The following LYRM4 variants were observed in gnomAD, a reference collection of about 807,000 sequenced individuals.
LYRM4 encodes the protein LYR motif-containing protein 4.
In LYRM4, 9 loss-of-function variants were observed where a neutral mutation model predicts 11.7. The ratio of observed to expected loss-of-function variants is 0.77; its 90% confidence interval spans 0.46 to 1.34. The LOEUF is 1.34. LYRM4 is among the 40% of genes most tolerant of loss of function. LYRM4 has a pLI of 0.00. For synonymous variants in LYRM4, 42 were observed against 40.4 expected (o/e 1.04, Z -0.15); for missense variants, 133 against 112.5 (o/e 1.18, Z -0.82).
the LYRM4 span, among the ~76,000 whole-genome samples, chr6:5,038,072 T>G: frequency 7.1e-5 from 3 of 41,992 alleles, no homozygotes; most frequent in African/African-American, 1.3e-4. Context: ...AGGCAGAGGG[T>G]TTCCTCACTT....
At chr6:5,192,531 A>G (rs1442795214) in intron 2 of LYRM4, among the ~76,000 whole-genome samples, 1 of 152,180 alleles carries the variant, frequency 6.6e-6, no homozygotes, top group Admixed American at 6.5e-5. Context: ...CTACCATAGC[A>G]TTGGGACAGT....
At chr6:5,067,442 A>G in the LYRM4 span, among the ~76,000 whole-genome samples, 1 of 152,256 alleles carries the variant, frequency 6.6e-6, no homozygotes, top group Non-Finnish European at 1.5e-5. Flanking sequence ...AGGTTAACTC[A>G]CATGGCTGGC....
rs138450981 is a variant in LYRM4, at chr6:5,252,547, C to T, written c.86+8101G>A. Among the ~76,000 whole-genome samples, 505 of 152,322 alleles carry T rather than the reference C, an allele frequency of 3.3e-3. 5 individuals carry two copies. Among genetic ancestry groups the T allele is most frequent in the African/African-American group, 0.011 (454 of 41,570 alleles). On this transcript the variant is annotated intron_variant, in intron 1 of 2. Transcript: ENST00000330636. ...GAATGCTCTTCCATCGCATGTCCACCTCTGTGGCTGACACAGACTGTTGCC... is the reference window on the plus strand; with the variant it reads ...GAATGCTCTTCCATCGCATGTCCACTTCTGTGGCTGACACAGACTGTTGCC...
chr6:5,238,797 T>C (rs1763696283), intron 1 of LYRM4, among the ~76,000 whole-genome samples: 1 of 152,242 alleles, frequency 6.6e-6, no homozygotes, highest in East Asian at 1.9e-4. Flanking sequence ...CTAGGATACC[T>C]GAATTTTATA....
Position 5,146,134 on chromosome 6 carries a change from C to T in LYRM4, c.208-36643G>A, listed in dbSNP as rs141752958. On this transcript the variant is annotated intron_variant, in intron 2 of 2. Coordinates refer to ENST00000330636, the MANE Select transcript of LYRM4 (RefSeq NM_020408.6). ...GGATTCAGACCTGCCTGCCTCAGCA[C>T]GGGCTGTGTCTCATCCACCACACAT... Among the ~76,000 whole-genome samples the T allele has an allele frequency of 5.3e-3, 811 of 152,326 alleles. 8 individuals carry two copies. Among genetic ancestry groups the T allele is most frequent in the African/African-American group, 0.019 (770 of 41,558 alleles).
chr6:5,066,570 T>C, the LYRM4 span: 1 of 959,764 alleles, frequency 1.0e-6, no homozygotes, highest in East Asian at 2.4e-5. Context: ...ATCCAGATTT[T>C]TTCCTAAGGA....
chr6:5,158,125 A>G (rs1437062150), intron 2 of LYRM4, among the ~76,000 whole-genome samples: 1 of 152,152 alleles, frequency 6.6e-6, no homozygotes, highest in Admixed American at 6.5e-5. Flanking sequence ...TATAATGTAT[A>G]TGTCTGTGCG....
chr6:5,209,303 G>A (rs1237908106), intron 2 of LYRM4, among the ~76,000 whole-genome samples: 1 of 152,028 alleles, frequency 6.6e-6, no homozygotes, highest in Non-Finnish European at 1.5e-5. Flanking sequence ...CACCATGTTC[G>A]CCAGGCTGAT....
chr6:5,217,185 T>G (rs187668947), intron 1 of LYRM4, among the ~76,000 whole-genome samples: 1 of 152,222 alleles, frequency 6.6e-6, no homozygotes, highest in Non-Finnish European at 1.5e-5. Flanking sequence ...AGAGGTTACA[T>G]GACGATCGTA....
At chr6:5,160,850 C>G (rs1371885422) in intron 2 of LYRM4, among the ~76,000 whole-genome samples, 3 of 152,108 alleles carry the variant, frequency 2.0e-5, no homozygotes, top group Non-Finnish European at 4.4e-5. Context: ...AGTCAACTGG[C>G]CATTTATAGA....
At chr6:5,050,108 G>C in the LYRM4 span, among the ~76,000 whole-genome samples, 2 of 152,228 alleles carry the variant, frequency 1.3e-5, no homozygotes, top group African/African-American at 4.8e-5. Flanking sequence ...TTCCCCATTT[G>C]GACAACAATT....
chr6:5,216,155 C>T (rs1394927071), intron 2 of LYRM4, among the ~76,000 whole-genome samples: 1 of 152,164 alleles, frequency 6.6e-6, no homozygotes, highest in Non-Finnish European at 1.5e-5. Context: ...ACCATCTGCA[C>T]CTGCAGATGC....
chr6:5,132,663 T>C (rs1278332430), intron 2 of LYRM4: 1 of 152,192 alleles, frequency 6.6e-6, no homozygotes, highest in Non-Finnish European at 1.5e-5. Flanking sequence ...CGAGTAATGC[T>C]GAGCAAAGAA....
intron 2 of LYRM4, among the ~76,000 whole-genome samples, chr6:5,174,356 A>G (rs1302715920): frequency 6.6e-6 from 1 of 152,180 alleles, no homozygotes; most frequent in Non-Finnish European, 1.5e-5. Flanking sequence ...GGACAGTGTC[A>G]CCTTTAAAGT....
At chr6:5,184,270 A>T (rs1319698800) in intron 2 of LYRM4, among the ~76,000 whole-genome samples, 7 of 152,202 alleles carry the variant, frequency 4.6e-5, no homozygotes, top group African/African-American at 1.7e-4. Context: ...CAGGATATAA[A>T]TGGCGAGTGG....
intron 2 of LYRM4, chr6:5,138,637 T>A: frequency 9.1e-7 from 1 of 1,100,134 alleles, no homozygotes; most frequent in Non-Finnish European, 1.3e-6. Flanking sequence ...ATGACATCTG[T>A]ATATTAAGGA....
chr6:5,133,078 T>C (rs1764029457), intron 2 of LYRM4, among the ~76,000 whole-genome samples: 1 of 152,156 alleles, frequency 6.6e-6, no homozygotes, highest in Non-Finnish European at 1.5e-5. Context: ...TTTGTTACTG[T>C]TGTTGTGTTG....
At chr6:5,040,049 C>T in the LYRM4 span, among the ~76,000 whole-genome samples, 1 of 152,068 alleles carries the variant, frequency 6.6e-6, no homozygotes, top group East Asian at 1.9e-4. Flanking sequence ...TAGCCATATG[C>T]AAAAAGAAAA....
chr6:5,134,642 C>A (rs1224958653), intron 2 of LYRM4, among the ~76,000 whole-genome samples: 1 of 152,078 alleles, frequency 6.6e-6, no homozygotes, highest in African/African-American at 2.4e-5. Flanking sequence ...CATGGGTAGG[C>A]GTAAGGATGA....
Sources: gnomAD v4.1 joint callset for allele counts (sites outside exome capture counted in the v4.1 genomes callset) on GRCh38, gnomAD v4.1.1 for gene constraint, MANE v1.5 for transcripts, NCBI Gene and HGNC (gene_info 2026-07-23, HGNC 2026-07-21) for gene names.